The following FREM1 variants were observed in gnomAD, a reference collection of about 807,000 sequenced individuals.
FREM1 encodes the protein FRAS1-related extracellular matrix protein 1.
FREM1 carries 220 observed loss-of-function variants against 210.1 expected under a neutral mutation model. The ratio of observed to expected loss-of-function variants is 1.05; its 90% CI spans 0.94 to 1.17. FREM1 has a LOEUF of 1.17. Among genes scored for constraint, FREM1 ranks in the 50% most tolerant of loss-of-function variants. The probability of loss-of-function intolerance (pLI) is 0.00; values close to 1 mark genes in which losing one functional copy is unlikely to be tolerated. For synonymous variants in FREM1, 1,189 were observed against 980.2 expected (o/e 1.21, Z -3.98); for missense variants, 3,454 against 2,675.5 (o/e 1.29, Z -6.42).
At chr9:14,816,950 C>G (rs1820416712) in intron 14 of FREM1, 79 bp from the exon 15 acceptor site, 1 of 455,976 alleles carries the variant, frequency 2.2e-6, no homozygotes, top group Non-Finnish European at 3.8e-6. Flanking sequence ...TGAGCTCTTC[C>G]AAGGCTTTGG....
At chr9:14,835,205 A>G (rs918415096) in intron 10 of FREM1, among the ~76,000 whole-genome samples, 4 of 152,250 alleles carry the variant, frequency 2.6e-5, no homozygotes, top group African/African-American at 9.6e-5. Flanking sequence ...TTAGTTTTTC[A>G]GAGTCAAGGA....
intron 1 of FREM1, among the ~76,000 whole-genome samples, chr9:14,869,500 C>T (rs1372246339): frequency 6.6e-6 from 1 of 152,250 alleles, no homozygotes; most frequent in Non-Finnish European, 1.5e-5. Context: ...GGGATGTCAA[C>T]TGTGTGGTCC....
intron 13 of FREM1, 47 bp from the exon 14 acceptor site, chr9:14,819,489 C>A (rs749673729): frequency 8.4e-7 from 1 of 1,196,752 alleles, no homozygotes; most frequent in South Asian, 1.3e-5. Context: ...TTTCCATGAC[C>A]CCTGAAGACA....
chr9:14,878,988 C>G (rs538838013), intron 1 of FREM1, among the ~76,000 whole-genome samples: 2 of 151,970 alleles, frequency 1.3e-5, no homozygotes, highest in African/African-American at 2.4e-5. Flanking sequence ...AAACCCCTGT[C>G]TCTACTAAAA....
intron 1 of FREM1, among the ~76,000 whole-genome samples, chr9:14,889,382 T>A (rs1836376144): frequency 6.6e-6 from 1 of 152,242 alleles, no homozygotes; most frequent in Admixed American, 6.5e-5. Flanking sequence ...TTTGTTTATG[T>A]GGAAGGTTTA....
chr9:14,893,082 G>C (rs1837138001), intron 1 of FREM1, among the ~76,000 whole-genome samples: 1 of 152,176 alleles, frequency 6.6e-6, no homozygotes, highest in Non-Finnish European at 1.5e-5. Flanking sequence ...CTGTGGTGCA[G>C]CCAGCCGGGT....
chr9:14,883,265 G>A (rs1292480654), intron 1 of FREM1, among the ~76,000 whole-genome samples: 1 of 151,980 alleles, frequency 6.6e-6, no homozygotes, highest in African/African-American at 2.4e-5. Flanking sequence ...AGTTAGGAGG[G>A]GGGAAAAGTA....
chr9:14,777,918 C>G (rs1251002316), intron 24 of FREM1, among the ~76,000 whole-genome samples: 1 of 152,016 alleles, frequency 6.6e-6, no homozygotes, highest in South Asian at 2.1e-4. Context: ...GCTTTGAAGG[C>G]TATGCTGAAG....
chr9:14,759,896 T>A lies in FREM1; in HGVS notation c.5210A>T (p.Glu1737Val), dbSNP rs199619316. 6.3e-5 allele frequency: 101 copies of A among 1,609,176 alleles called. No individual in the cohort carries two copies. In the African/African-American group the frequency reaches 1.3e-3, roughly 20 times the overall value. The change falls in exon 28 of 37, where the codon GAA becomes GTA. Residue 1737 changes from glutamate to valine, a missense_variant. Physicochemically the swap from Glu to Val is moderately radical, Grantham distance 121 (BLOSUM62 -2). Coordinates refer to ENST00000380880, the MANE Select transcript of FREM1 (RefSeq NM_001379081.2). ...CCATTCAATATGAGACCACTTCAGT[T>A]CCAAACTGTGTGTGAAAGGAAAAGA... Reference protein sequence around the residue: ...TGNSATPQILELKWSHIEWSQ... With the variant: ...TGNSATPQILVLKWSHIEWSQ...
At chr9:14,887,946 C>G (rs569615389) in intron 1 of FREM1, among the ~76,000 whole-genome samples, 1 of 152,074 alleles carries the variant, frequency 6.6e-6, no homozygotes, top group African/African-American at 2.4e-5. Flanking sequence ...TACAGGTGCT[C>G]GCCACCATGC....
At chr9:14,803,631 AGT>A (rs1817768195) in intron 19 of FREM1, among the ~76,000 whole-genome samples, 1 of 152,068 alleles carries the variant, frequency 6.6e-6, no homozygotes, top group Non-Finnish European at 1.5e-5. Context: ...AGCCTCCCAA[AGT>A]GCTGGGATTA....
chr9:14,828,184 G>A (rs1251318672), intron 10 of FREM1, among the ~76,000 whole-genome samples: 3 of 152,186 alleles, frequency 2.0e-5, no homozygotes, highest in Non-Finnish European at 4.4e-5. Flanking sequence ...GCTGTTGCCT[G>A]GGCTGTACCC....
At chr9:14,791,424 A>T (rs1044348815) in intron 22 of FREM1, among the ~76,000 whole-genome samples, 1 of 152,200 alleles carries the variant, frequency 6.6e-6, no homozygotes, top group African/African-American at 2.4e-5. Flanking sequence ...AGGAATGTTA[A>T]TTTACGGTGT....
chr9:14,758,750 T>C (rs1416838849), intron 28 of FREM1, among the ~76,000 whole-genome samples: 1 of 152,138 alleles, frequency 6.6e-6, no homozygotes, highest in African/African-American at 2.4e-5. Flanking sequence ...ATGCTCTCAT[T>C]CTCTTGAAGC....
At chr9:14,783,523 T>C (rs1035908690) in intron 24 of FREM1, among the ~76,000 whole-genome samples, 5 of 152,178 alleles carry the variant, frequency 3.3e-5, no homozygotes, top group African/African-American at 9.7e-5. Flanking sequence ...CTGGATTGTA[T>C]ACAATGGTTC....
At chr9:14,763,291 C>T (rs1845833851) in intron 27 of FREM1, among the ~76,000 whole-genome samples, 1 of 152,188 alleles carries the variant, frequency 6.6e-6, no homozygotes, top group Non-Finnish European at 1.5e-5. Flanking sequence ...CACTTCCCTC[C>T]AGTCACGACA....
chr9:14,850,173 T>C (rs1276765016), intron 6 of FREM1, among the ~76,000 whole-genome samples: 2 of 152,194 alleles, frequency 1.3e-5, no homozygotes, highest in Non-Finnish European at 2.9e-5. Context: ...GAAGCACTAT[T>C]ATGTGGAAGA....
chr9:14,850,956 T>A (rs1175408792), intron 6 of FREM1, among the ~76,000 whole-genome samples: 1 of 152,210 alleles, frequency 6.6e-6, no homozygotes, highest in East Asian at 1.9e-4. Flanking sequence ...AAATGTATCA[T>A]TTTCCAATTT....
chr9:14,897,664 C>T (rs1837986033), intron 1 of FREM1, among the ~76,000 whole-genome samples: 1 of 151,514 alleles, frequency 6.6e-6, no homozygotes, highest in African/African-American at 2.4e-5. Flanking sequence ...CATCAAGGCT[C>T]ACTGCCACCT....
Sources: allele counts gnomAD v4.1 joint callset (sites outside exome capture counted in the v4.1 genomes callset), GRCh38; gene constraint gnomAD v4.1.1; transcripts MANE v1.5; gene names NCBI Gene and HGNC (gene_info 2026-07-23, HGNC 2026-07-21).